GNAL: variants seen among roughly 807,000 people sequenced by gnomAD.
GNAL encodes guanine nucleotide-binding protein G(olf) subunit alpha.
Under a neutral mutation model 55.1 loss-of-function variants are expected in GNAL, and 18 were observed. That is an observed-to-expected ratio of 0.33 (90% CI 0.23 to 0.48). The LOEUF is 0.48. GNAL is among the 20% of genes least tolerant of loss of function. The probability of loss-of-function intolerance (pLI) is 0.99; values close to 1 mark genes in which losing one functional copy is unlikely to be tolerated. For synonymous variants in GNAL, 253 were observed against 237.0 expected, an observed-to-expected ratio of 1.07 and a Z score of -0.62; for missense variants, 412 against 614.1, an observed-to-expected ratio of 0.67 and a Z score of 3.48.
At chr18:11,710,528 A>C (rs923439457) in intron 1 of GNAL, among the ~76,000 whole-genome samples, 1 of 152,030 alleles carries the variant, frequency 6.6e-6, no homozygotes. Context: ...GTTGCTGTTT[A>C]GTATGCTTTC....
At chr18:11,848,281 G>A (rs2035781206) in intron 5 of GNAL, among the ~76,000 whole-genome samples, 1 of 152,060 alleles carries the variant, frequency 6.6e-6, no homozygotes, top group South Asian at 2.1e-4. Flanking sequence ...AGGGAGAGGA[G>A]GAGAACAGCC....
chr18:11,851,465 C>G (rs1016038576), intron 5 of GNAL: 1 of 1,482,722 alleles, frequency 6.7e-7, no homozygotes, highest in East Asian at 2.4e-5. Flanking sequence ...TCTCTGCCTT[C>G]GGCGCGCTTC....
intron 1 of GNAL, among the ~76,000 whole-genome samples, chr18:11,735,804 GGAAA>G (rs923468579): frequency 2.1e-5 from 3 of 143,680 alleles, no homozygotes; most frequent in African/African-American, 5.5e-5. Flanking sequence ...AGGGAAGGAA[GGAAA>G]GGAAGGAAGG....
At chr18:11,780,256 G>A (rs1016695534) in intron 4 of GNAL, among the ~76,000 whole-genome samples, 24 of 151,952 alleles carry the variant, frequency 1.6e-4, no homozygotes, top group African/African-American at 5.8e-4. Flanking sequence ...GCATAGTCAC[G>A]TTCCTGCTGT....
chr18:11,753,969 T>C, intron 4 of GNAL, 24 bp downstream of exon 4: 1 of 1,559,634 alleles, frequency 6.4e-7, no homozygotes, highest in South Asian at 1.1e-5. Context: ...ACTGAAATAT[T>C]CTAACTAGTG....
chr18:11,704,296 T>TC (rs991628260), intron 1 of GNAL, among the ~76,000 whole-genome samples: 6 of 152,150 alleles, frequency 3.9e-5, no homozygotes, highest in Non-Finnish European at 8.8e-5. Context: ...TCACACAGTG[T>TC]ATTTGGAATT....
At chr18:11,743,228 G>A (rs1201916472) in intron 1 of GNAL, among the ~76,000 whole-genome samples, 1 of 150,344 alleles carries the variant, frequency 6.7e-6, no homozygotes, top group Non-Finnish European at 1.5e-5. Flanking sequence ...TTGGCGCTAG[G>A]ATTTACACAG....
rs71172023 is a variant in GNAL at position 11,830,282 on chromosome 18, C to CTTTTT, written c.722+5284_722+5288dup. Among the ~76,000 whole-genome samples, 363 of 99,056 alleles carry CTTTTT rather than the reference C, an allele frequency of 3.7e-3. 7 individuals carry two copies. Among genetic ancestry groups the CTTTTT allele is most frequent in the African/African-American group, 5.9e-3 (145 of 24,786 alleles). The allele number at this position is 99,056 out of a possible 152,430, so 65.0% of individuals were successfully genotyped here. The stretch of plus-strand genomic sequence containing the variant: ...GTCACCTTGCTCAACAGAATTGCAT[C>CTTTTT]TTTTTTTTTTTTTTTTTTTTTGAGG... On this transcript the variant is annotated intron_variant, in intron 5 of 11. Transcript: ENST00000334049.
chr18:11,773,154 C>T (rs1443294256), intron 4 of GNAL, among the ~76,000 whole-genome samples: 1 of 152,210 alleles, frequency 6.6e-6, no homozygotes, highest in Non-Finnish European at 1.5e-5. Flanking sequence ...ACACACAGCC[C>T]CTGGGTTGTC....
intron 1 of GNAL, among the ~76,000 whole-genome samples, chr18:11,733,415 G>C (rs1262780663): frequency 2.0e-5 from 3 of 152,222 alleles, no homozygotes; most frequent in Non-Finnish European, 4.4e-5. Context: ...TGGGGGGCTT[G>C]CTGGACACAG....
chr18:11,799,953 T>C (rs2034481695), intron 4 of GNAL, among the ~76,000 whole-genome samples: 1 of 152,112 alleles, frequency 6.6e-6, no homozygotes, highest in Non-Finnish European at 1.5e-5. Flanking sequence ...GTGTCCCTTT[T>C]TCCCTCTCCA....
At chr18:11,825,729 C>CAAAAAAAAAA (rs60460793) in intron 5 of GNAL, among the ~76,000 whole-genome samples, 2 of 76,932 alleles carry the variant, frequency 2.6e-5, no homozygotes, top group Non-Finnish European at 4.7e-5. Context: ...GACTCTGTCT[C>CAAAAAAAAAA]AAAAAAAAAA....
intron 5 of GNAL, among the ~76,000 whole-genome samples, chr18:11,832,966 T>C (rs2035419773): frequency 1.3e-5 from 2 of 152,132 alleles, no homozygotes; most frequent in Non-Finnish European, 2.9e-5. Flanking sequence ...ATTAAATATA[T>C]AGCAGCCACC....
chr18:11,780,435 A>G (rs1009992569), intron 4 of GNAL, among the ~76,000 whole-genome samples: 1 of 152,186 alleles, frequency 6.6e-6, no homozygotes, highest in African/African-American at 2.4e-5. Flanking sequence ...TCGGTTTTAA[A>G]TATTTTAAGG....
At chr18:11,737,717 T>C (rs953182088) in intron 1 of GNAL, among the ~76,000 whole-genome samples, 1 of 152,186 alleles carries the variant, frequency 6.6e-6, no homozygotes, top group African/African-American at 2.4e-5. Flanking sequence ...GAAATCCGGA[T>C]GCCTCTGCTC....
Position 11,689,670 on chromosome 18 carries a change from C to CCT in GNAL, c.107_108insCT (p.Ala37TrpfsTer46). 2 of 1,441,180 alleles carry CCT rather than the reference C, an allele frequency of 1.4e-6. No homozygotes were observed. The highest frequency in any genetic ancestry group is 2.7e-5 in the Admixed American group (1 of 37,484). The allele number at this position is 1,441,180 out of a possible 1,614,324, so 89.3% of individuals were successfully genotyped here. A position where few individuals can be genotyped will look rare whatever the true frequency, so the allele number is the denominator to read the frequency against. Reference sequence around the variant, plus strand: ...GAGGACGCGCAGCCCGCCCCGGCCCCGGCCCTGGCCCCAGTCCGGGCGGCC... The same window carrying CCT: ...GAGGACGCGCAGCCCGCCCCGGCCCCCTGGCCCTGGCCCCAGTCCGGGCGGCC... On this transcript the variant is annotated frameshift_variant, in exon 1 of 12. Coordinates refer to ENST00000334049, the MANE Select transcript of GNAL (RefSeq NM_182978.4). LOFTEE classifies it high-confidence loss of function.
intron 1 of GNAL, among the ~76,000 whole-genome samples, chr18:11,706,681 A>C (rs1459353167): frequency 6.6e-6 from 1 of 152,226 alleles, no homozygotes; most frequent in Non-Finnish European, 1.5e-5. Context: ...AACAATGTTC[A>C]CAGCATCTTC....
chr18:11,856,805 C>T (rs1397591284), intron 5 of GNAL, among the ~76,000 whole-genome samples: 1 of 152,156 alleles, frequency 6.6e-6, no homozygotes, highest in Non-Finnish European at 1.5e-5. Context: ...ATGGTGCACA[C>T]CTGTAATCCC....
intron 1 of GNAL, among the ~76,000 whole-genome samples, chr18:11,690,855 A>G (rs1197198432): frequency 1.3e-5 from 2 of 151,354 alleles, no homozygotes; most frequent in South Asian, 2.1e-4. Flanking sequence ...AATCCAGTCT[A>G]TCATTGTTGG....
Sources: gnomAD v4.1 joint callset for allele counts (sites outside exome capture counted in the v4.1 genomes callset) on GRCh38, gnomAD v4.1.1 for gene constraint, MANE v1.5 for transcripts, NCBI Gene and HGNC (gene_info 2026-07-23, HGNC 2026-07-21) for gene names.